FADS2: variants seen among roughly 807,000 people sequenced by gnomAD.
The protein encoded by FADS2 is fatty acid desaturase 2, also known as acyl-CoA 6-desaturase.
FADS2 carries 18 observed loss-of-function variants against 61.2 expected under a neutral mutation model. The ratio of observed to expected loss-of-function variants is 0.29; its 90% CI spans 0.20 to 0.44. FADS2 has a LOEUF of 0.44. Among genes scored for constraint, FADS2 ranks in the 20% least tolerant of loss-of-function variants. The pLI, the probability that FADS2 is intolerant of heterozygous loss-of-function variation, is 1.00. For missense variants in FADS2, 322 were observed against 572.7 expected (o/e 0.56, Z 4.47); for synonymous variants, 203 against 223.9 (o/e 0.91, Z 0.83).
chr11:61,855,174 G>C (rs959857374), intron 5 of FADS2: 3 of 152,506 alleles, frequency 2.0e-5, no homozygotes, highest in Non-Finnish European at 4.4e-5. Context: ...TGACCTGCCT[G>C]GGTTGCCCTC....
chr11:61,848,818 G>A (rs905614618), intron 5 of FADS2: 3 of 155,102 alleles, frequency 1.9e-5, no homozygotes, highest in South Asian at 2.0e-4. Context: ...GAGCCTCAAC[G>A]TGGCTTGGTC....
intron 7 of FADS2, 157 bp from the exon 8 acceptor site, chr11:61,862,815 G>C: frequency 6.2e-6 from 4 of 642,142 alleles, no homozygotes; most frequent in Non-Finnish European, 1.1e-5. Flanking sequence ...TGCAAACCCC[G>C]AGCAAGCAGG....
intron 4 of FADS2, among the ~76,000 whole-genome samples, 181 bp downstream of exon 4, chr11:61,840,906 G>A (rs1171055757): frequency 6.6e-6 from 1 of 152,152 alleles, no homozygotes. Context: ...GATCAGGTCC[G>A]AACCACAAAG....
chr11:61,861,926 A>G (rs2067420891), intron 7 of FADS2: 3 of 152,136 alleles, frequency 2.0e-5, no homozygotes, highest in African/African-American at 7.2e-5. Flanking sequence ...CCCCCTCTCC[A>G]GTGGGTGGGG....
At chr11:61,861,360 A>AAAAAAAAC (rs780694705) in intron 7 of FADS2, among the ~76,000 whole-genome samples, 4 of 142,444 alleles carry the variant, frequency 2.8e-5, no homozygotes, top group Non-Finnish European at 6.2e-5. Flanking sequence ...TCTCAAAAAA[A>AAAAAAAAC]AAAAAAAAAA....
At chr11:61,821,385 G>GAA in intron 1 of FADS2, 1 of 688,480 alleles carries the variant, frequency 1.5e-6, no homozygotes, top group Non-Finnish European at 2.6e-6. Context: ...CTAAAGAAAA[G>GAA]AAAAAAAAAG....
chr11:61,835,062 GGGACTTCTCCCTGCCT>G (rs1251210926), intron 1 of FADS2, among the ~76,000 whole-genome samples: 1 of 133,358 alleles, frequency 7.5e-6, no homozygotes, highest in East Asian at 2.4e-4. Context: ...TGCCTCCCCA[GGGACTTCTCCCTGCCT>G]CCCCAGGGCC....
intron 4 of FADS2, among the ~76,000 whole-genome samples, chr11:61,843,953 G>T (rs758427489): frequency 1.1e-4 from 17 of 151,938 alleles, no homozygotes; most frequent in Admixed American, 9.8e-4. Flanking sequence ...GAGCCACCAC[G>T]CCCGGCCTGC....
intron 5 of FADS2, among the ~76,000 whole-genome samples, chr11:61,849,189 C>A (rs2067286167): frequency 6.6e-6 from 1 of 152,216 alleles, no homozygotes; most frequent in Non-Finnish European, 1.5e-5. Context: ...GCCAACGTGC[C>A]CAGCCGAGAG....
chr11:61,828,646 T>A lies in FADS2; in HGVS notation c.207+49T>A. 1 of 1,527,986 alleles carries A rather than the reference T, an allele frequency of 6.5e-7. No homozygotes were observed. The highest frequency in any genetic ancestry group is 9.0e-7 in the Non-Finnish European group (1 of 1,117,226). The allele number at this position is 1,527,986 out of a possible 1,614,324, so 94.7% of individuals were successfully genotyped here. On this transcript the variant is annotated intron_variant, in intron 1 of 11. Coordinates refer to ENST00000278840, the MANE Select transcript of FADS2 (RefSeq NM_004265.4). The surrounding 1 kb of genome is among the most constrained non-coding windows in gnomAD (Gnocchi z 6.4). ...CCACCCTTCTCTGCTGCAGGCGGAG[T>A]CAGGATCCCTGGCTCCCCGTGGGCC...
chr11:61,857,003 C>T lies in FADS2; in HGVS notation c.745-8C>T, dbSNP rs781399956. On this transcript the variant is annotated splice_polypyrimidine_tract_variant and splice_region_variant and intron_variant, in intron 5 of 11. Transcript: ENST00000278840. ...ACTGGGTGCTCATGATCTCTCCTCT[C>T]TCCTCAGTACGGCAAGAAGAAGCTG... 8 of 1,612,940 alleles carry T rather than the reference C, an allele frequency of 5.0e-6. No homozygotes were observed. The South Asian group carries it at 6.6e-5, about 13-fold the overall frequency.
Position 61,828,441 on chromosome 11 carries a change from G to A in FADS2, c.51G>A (p.Ser17=). The change falls in exon 1 of 12, where the codon TCG becomes TCA. Residue 17 remains serine, a synonymous_variant. Coordinates refer to ENST00000278840, the MANE Select transcript of FADS2 (RefSeq NM_004265.4). This position sits in a 1 kb window ranked among gnomAD's most constrained non-coding sequence, Gnocchi z 6.4. ...AGGGGGCCGCCGAGCGCGAGGTGTC[G>A]GTGCCCACCTTCAGCTGGGAGGAGA... The part of the protein sequence containing the change: ...QGEGAAEREV[S]VPTFSWEEIQ... The A allele has an allele frequency of 6.3e-7, 1 of 1,594,822 alleles. No homozygotes were observed. The highest frequency in any genetic ancestry group is 8.5e-7 in the Non-Finnish European group (1 of 1,172,324).
At position 61,828,429 on chromosome 11, in the gene FADS2, G is replaced by T; in HGVS notation, c.39G>T (p.Glu13Asp). ...GGAACCAGGGCGAGGGGGCCGCCGA[G>T]CGCGAGGTGTCGGTGCCCACCTTCA... ...KGGNQGEGAA[E>D]REVSVPTFSW... The change falls in exon 1 of 12, where the codon GAG (glutamate) becomes GAT (aspartate). Residue 13 changes from glutamate (E) to aspartate (D), a missense_variant. Glu to Asp is a conservative substitution (Grantham distance 45). This residue lies in a region of FADS2 where 61 missense variants were observed against 107.4 expected (regional missense o/e 0.57). Transcript: ENST00000278840. This position sits in a 1 kb window ranked among gnomAD's most constrained non-coding sequence, Gnocchi z 6.4. 1 of 1,586,054 alleles carries T rather than the reference G, an allele frequency of 6.3e-7. No individual in the cohort carries two copies. The highest frequency in any genetic ancestry group is 2.3e-5 in the East Asian group (1 of 43,884).
chr11:61,863,769 C>T lies in FADS2; in HGVS notation c.1140C>T (p.Asn380=). The change falls in exon 10 of 12, where the codon AAC becomes AAT. Residue 380 remains asparagine, a synonymous_variant. Coordinates refer to ENST00000278840, the MANE Select transcript of FADS2 (RefSeq NM_004265.4). ...ACGACTGGTTCAGTGGACACCTTAA[C>T]TTCCAGATTGAGCACCAGTGAGCGC... ...FFNDWFSGHL[N]FQIEHHLFPT... 6.2e-7 allele frequency: 1 copy of T among 1,614,122 alleles called. No homozygotes were observed. Among genetic ancestry groups the T allele is most frequent in the South Asian group, 1.1e-5 (1 of 91,088 alleles).
chr11:61,827,093 G>A (rs1423273625), upstream of FADS2, among the ~76,000 whole-genome samples: 2 of 152,038 alleles, frequency 1.3e-5, no homozygotes, highest in African/African-American at 4.8e-5. The surrounding 1 kb of genome is among the most constrained non-coding windows in gnomAD (Gnocchi z 4.5). Context: ...TACTTCCCAC[G>A]TGTCCCGTTA....
At chr11:61,820,150 G>GA (rs912581154) in intron 1 of FADS2, among the ~76,000 whole-genome samples, 11 of 151,912 alleles carry the variant, frequency 7.2e-5, no homozygotes, top group Admixed American at 1.3e-4. Context: ...CTGCACCTCA[G>GA]AAAAAACCAA....
intron 5 of FADS2, among the ~76,000 whole-genome samples, chr11:61,849,473 A>C (rs961852885): frequency 6.6e-6 from 1 of 152,082 alleles, no homozygotes; most frequent in African/African-American, 2.4e-5. Flanking sequence ...AGTCTCAGTT[A>C]TTGGGGAGGC....
In FADS2 at chr11:61,865,945, T is replaced by A; in HGVS notation, c.*256T>A. The A allele has an allele frequency of 1.9e-6, 1 of 537,014 alleles. No individual in the cohort carries two copies. Among genetic ancestry groups the A allele is most frequent in the East Asian group, 2.9e-5 (1 of 34,974 alleles). The allele number at this position is 537,014 out of a possible 1,614,324, so 33.3% of individuals were successfully genotyped here. On this transcript the variant is annotated 3_prime_UTR_variant, in exon 12 of 12. Coordinates refer to ENST00000278840, the MANE Select transcript of FADS2 (RefSeq NM_004265.4). This position sits in a 1 kb window ranked among gnomAD's most constrained non-coding sequence, Gnocchi z 4.1. ...CCTCCCAGTGCCTCCTAGCCCCTTC[T>A]TCCAAGGAGCAGAGAGGTGGCCACC...
chr11:61,841,030 T>C (rs1257067072), intron 4 of FADS2, among the ~76,000 whole-genome samples: 1 of 152,082 alleles, frequency 6.6e-6, no homozygotes, highest in East Asian at 1.9e-4. Context: ...AATCTGTTTT[T>C]GTTTGGGGAC....
Sources: gnomAD v4.1 joint callset for allele counts (sites outside exome capture counted in the v4.1 genomes callset) on GRCh38, gnomAD v4.1.1 for gene constraint, gnomAD v4.1.1 regional missense constraint, Gnocchi (gnomAD v3.1) non-coding constraint, MANE v1.5 for transcripts, NCBI Gene and HGNC (gene_info 2026-07-23, HGNC 2026-07-21) for gene names.